PDE1C: variants seen among roughly 807,000 people sequenced by gnomAD.
The protein encoded by PDE1C is dual specificity calcium/calmodulin-dependent 3',5'-cyclic nucleotide phosphodiesterase 1C.
PDE1C carries 62 observed loss-of-function variants against 93.1 expected under a neutral mutation model. That is an observed-to-expected ratio of 0.67 (90% CI 0.54 to 0.82). PDE1C has a LOEUF of 0.82. PDE1C is among the 40% of genes least tolerant of loss of function. PDE1C has a pLI of 0.00. For synonymous variants in PDE1C, 325 were observed against 310.1 expected, an observed-to-expected ratio of 1.05 and a Z score of -0.50; for missense variants, 742 against 884.6, an observed-to-expected ratio of 0.84 and a Z score of 2.04.
chr7:31,718,466 C>A, the PDE1C span, among the ~76,000 whole-genome samples: 1 of 152,166 alleles, frequency 6.6e-6, no homozygotes, highest in African/African-American at 2.4e-5. Context: ...TTGTGACTCC[C>A]AGTTAAGCGA....
At chr7:31,758,645 T>C (rs78587650) in intron 17 of PDE1C, among the ~76,000 whole-genome samples, 2,697 of 152,338 alleles carry the variant, frequency 0.018, 37 homozygotes, top group Middle Eastern at 0.048. Context: ...TTGCAGCAAA[T>C]GGCTCTGTTG....
intron 2 of PDE1C, among the ~76,000 whole-genome samples, chr7:32,172,193 A>T (rs1802696565): frequency 6.6e-6 from 1 of 152,034 alleles, no homozygotes; most frequent in African/African-American, 2.4e-5. Flanking sequence ...GGTTATGTCT[A>T]CCCAGATAAA....
intron 1 of PDE1C, among the ~76,000 whole-genome samples, chr7:32,336,944 T>C (rs996238476): frequency 1.3e-5 from 2 of 152,202 alleles, no homozygotes; most frequent in Non-Finnish European, 2.9e-5. Flanking sequence ...AGCCACATCA[T>C]TGAAGCATAC....
the PDE1C span, among the ~76,000 whole-genome samples, chr7:31,668,482 A>G: frequency 2.1e-4 from 21 of 101,492 alleles, no homozygotes. Context: ...GCAAAGGAGT[A>G]TTCTTCAGCA....
At chr7:32,400,266 G>A (rs1583419087) in intron 1 of PDE1C, among the ~76,000 whole-genome samples, 1 of 152,192 alleles carries the variant, frequency 6.6e-6, no homozygotes, top group Non-Finnish European at 1.5e-5. Context: ...GGTTTTAATA[G>A]CATGAATGGA....
At chr7:32,022,282 T>C (rs1788790309) in intron 2 of PDE1C, among the ~76,000 whole-genome samples, 1 of 152,044 alleles carries the variant, frequency 6.6e-6, no homozygotes, top group African/African-American at 2.4e-5. Flanking sequence ...GCAAGAATGT[T>C]AAATGGACAT....
intron 1 of PDE1C, among the ~76,000 whole-genome samples, chr7:32,210,176 A>G (rs536323394): frequency 2.0e-5 from 3 of 152,356 alleles, no homozygotes; most frequent in Admixed American, 1.3e-4. Flanking sequence ...GGATAGAGTC[A>G]TATTTAATGT....
intron 2 of PDE1C, among the ~76,000 whole-genome samples, chr7:31,908,478 G>T (rs905054730): frequency 2.0e-5 from 3 of 152,148 alleles, no homozygotes; most frequent in Non-Finnish European, 2.9e-5. Flanking sequence ...GCGCATCCAG[G>T]TGTGCTGTCA....
chr7:31,835,664 C>T (rs191041456), intron 11 of PDE1C, among the ~76,000 whole-genome samples: 119 of 151,990 alleles, frequency 7.8e-4, no homozygotes, highest in African/African-American at 2.6e-3. Flanking sequence ...TCCCTCCCCC[C>T]GCTCCCCCAA....
chr7:31,793,059 G>A (rs1784769261), intron 16 of PDE1C, among the ~76,000 whole-genome samples: 1 of 152,022 alleles, frequency 6.6e-6, no homozygotes, highest in Non-Finnish European at 1.5e-5. Flanking sequence ...TACTCTATAG[G>A]AGCATACAAT....
chr7:31,631,860 AACT>A, the PDE1C span, among the ~76,000 whole-genome samples: 1 of 152,194 alleles, frequency 6.6e-6, no homozygotes, highest in Admixed American at 6.5e-5. Flanking sequence ...TATTTTCAAT[AACT>A]ACTACTATTT....
intron 3 of PDE1C, among the ~76,000 whole-genome samples, chr7:32,102,150 A>G (rs1032703317): frequency 6.6e-6 from 1 of 152,198 alleles, no homozygotes; most frequent in African/African-American, 2.4e-5. Context: ...GTGGAGACAA[A>G]ACATCGAAAC....
chr7:32,215,089 A>T (rs544029974), intron 1 of PDE1C, among the ~76,000 whole-genome samples: 43 of 151,940 alleles, frequency 2.8e-4, no homozygotes, highest in African/African-American at 1.0e-3. Flanking sequence ...GGGGTCCCCA[A>T]CCCCTGGGCC....
chr7:32,358,971 C>G (rs998663815), intron 1 of PDE1C, among the ~76,000 whole-genome samples: 1 of 151,580 alleles, frequency 6.6e-6, no homozygotes, highest in African/African-American at 2.4e-5. Context: ...CTCTTCTCAG[C>G]TAGGCCTTGA....
At chr7:32,395,671 G>T (rs766828265) in intron 1 of PDE1C, among the ~76,000 whole-genome samples, 1 of 152,146 alleles carries the variant, frequency 6.6e-6, no homozygotes, top group Non-Finnish European at 1.5e-5. Flanking sequence ...AAACTACTGG[G>T]TCAGTACAAG....
chr7:31,705,151 C>T, the PDE1C span, among the ~76,000 whole-genome samples: 1 of 152,174 alleles, frequency 6.6e-6, no homozygotes, highest in East Asian at 1.9e-4. Context: ...TTGAGAAGGG[C>T]TGGCTGTGAT....
chr7:32,107,225 T>C (rs1388205151), intron 3 of PDE1C, among the ~76,000 whole-genome samples: 1 of 137,836 alleles, frequency 7.3e-6, no homozygotes, highest in East Asian at 2.1e-4. Flanking sequence ...GTAGCAAGAA[T>C]ACCAGCATGA....
chr7:31,704,681 G>T, the PDE1C span, among the ~76,000 whole-genome samples: 3 of 152,166 alleles, frequency 2.0e-5, no homozygotes, highest in Non-Finnish European at 4.4e-5. Flanking sequence ...TCTATTTGGG[G>T]ACATCACACA....
intron 2 of PDE1C, among the ~76,000 whole-genome samples, chr7:32,172,156 A>G (rs1022331262): frequency 6.6e-6 from 1 of 152,044 alleles, no homozygotes; most frequent in Non-Finnish European, 1.5e-5. Context: ...TACCATTACC[A>G]TTAACCAATT....
Sources: allele counts gnomAD v4.1 joint callset (sites outside exome capture counted in the v4.1 genomes callset), GRCh38; gene constraint gnomAD v4.1.1; transcripts MANE v1.5; gene names NCBI Gene and HGNC (gene_info 2026-07-23, HGNC 2026-07-21).